Variants in SDK1 observed in about 807,000 individuals in gnomAD.
The protein encoded by SDK1 is sidekick cell adhesion molecule 1.
In SDK1, 157 loss-of-function variants were observed where a neutral mutation model predicts 245.5. That is an observed-to-expected ratio of 0.64 (90% confidence interval 0.56 to 0.73). The LOEUF is 0.73. SDK1 is among the 30% of genes least tolerant of loss of function. The pLI is 0.00. For missense variants in SDK1, 3,583 were observed against 3,002.3 expected, an observed-to-expected ratio of 1.19 and a Z score of -4.52; for synonymous variants, 1,647 against 1,278.5, an observed-to-expected ratio of 1.29 and a Z score of -6.15.
At chr7:3,794,864 G>C (rs1255270810) in intron 4 of SDK1, among the ~76,000 whole-genome samples, 3 of 151,812 alleles carry the variant, frequency 2.0e-5, no homozygotes, top group Non-Finnish European at 4.4e-5. Context: ...TAGATCCTCT[G>C]TCTGTTGCCC....
At chr7:3,774,654 A>G (rs1780498869) in intron 4 of SDK1, among the ~76,000 whole-genome samples, 2 of 152,204 alleles carry the variant, frequency 1.3e-5, no homozygotes, top group Non-Finnish European at 1.5e-5. Context: ...CCAGGTGAGA[A>G]TACAGACTCC....
At chr7:3,999,720 TA>T (rs1273349604) in intron 14 of SDK1, among the ~76,000 whole-genome samples, 2 of 152,210 alleles carry the variant, frequency 1.3e-5, no homozygotes, top group African/African-American at 4.8e-5. Flanking sequence ...GACTGCTTTA[TA>T]AAAAACCATT....
chr7:3,507,966 A>G (rs1016692972), intron 1 of SDK1, among the ~76,000 whole-genome samples: 2 of 152,252 alleles, frequency 1.3e-5, no homozygotes, highest in African/African-American at 4.8e-5. Flanking sequence ...GTGGCATTTG[A>G]CACTGCTGAC....
chr7:3,928,739 C>G (rs899366923), intron 5 of SDK1, among the ~76,000 whole-genome samples: 2 of 152,210 alleles, frequency 1.3e-5, no homozygotes, highest in African/African-American at 4.8e-5. Flanking sequence ...GGTTCAGTAC[C>G]TCACATGCAT....
intron 17 of SDK1, among the ~76,000 whole-genome samples, chr7:4,022,833 G>C (rs958135713): frequency 2.0e-5 from 3 of 149,562 alleles, no homozygotes; most frequent in Admixed American, 2.0e-4. Flanking sequence ...GAGTGCAGTG[G>C]CGCGATCTCG....
At chr7:3,922,283 G>A (rs1400232237) in intron 5 of SDK1, among the ~76,000 whole-genome samples, 3 of 152,154 alleles carry the variant, frequency 2.0e-5, no homozygotes, top group Non-Finnish European at 2.9e-5. Context: ...GGATTCAGTC[G>A]GGATGTGCTG....
chr7:3,502,080 T>G (rs115827091), intron 1 of SDK1, among the ~76,000 whole-genome samples: 3,510 of 152,148 alleles, frequency 0.023, 151 homozygotes, highest in African/African-American at 0.08. Flanking sequence ...AATATTAATA[T>G]TATTAGTGGG....
chr7:3,732,684 G>GA (rs1260574291), intron 4 of SDK1, among the ~76,000 whole-genome samples: 1 of 152,194 alleles, frequency 6.6e-6, no homozygotes, highest in African/African-American at 2.4e-5. Flanking sequence ...CTGAGGCGCT[G>GA]AAATGTCTAG....
intron 35 of SDK1, among the ~76,000 whole-genome samples, chr7:4,189,102 T>C (rs114404147): frequency 0.011 from 1,713 of 152,262 alleles, 26 homozygotes; most frequent in African/African-American, 0.039. Flanking sequence ...ACGTATTAAA[T>C]AGTAAAGGGA....
At chr7:3,378,042 G>A (rs1215983770) in intron 1 of SDK1, among the ~76,000 whole-genome samples, 1 of 152,170 alleles carries the variant, frequency 6.6e-6, no homozygotes, top group Non-Finnish European at 1.5e-5. Flanking sequence ...GCTTCCCAAA[G>A]TGCTGGGATT....
intron 1 of SDK1, among the ~76,000 whole-genome samples, chr7:3,577,054 C>T (rs546758434): frequency 6.6e-6 from 1 of 151,942 alleles, no homozygotes; most frequent in Admixed American, 6.6e-5. Flanking sequence ...TATGCCCAAT[C>T]CACCTTGCAA....
At chr7:3,910,949 A>G (rs1258182361) in intron 5 of SDK1, among the ~76,000 whole-genome samples, 1 of 152,060 alleles carries the variant, frequency 6.6e-6, no homozygotes, top group African/African-American at 2.4e-5. Flanking sequence ...TCTCTCCCCA[A>G]GCTCAGGCGT....
rs192161084 is a variant in SDK1, at chr7:3,584,760, G to A, written c.299-34320G>A. Among the ~76,000 whole-genome samples, 369 of 150,202 alleles carry A rather than the reference G, an allele frequency of 2.5e-3. 3 individuals carry two copies. Among genetic ancestry groups the A allele is most frequent in the South Asian group, 0.018 (85 of 4,728 alleles). On this transcript the variant is annotated intron_variant, in intron 1 of 44. Transcript: ENST00000404826. ...TTTTTTTTTGAGATGGAGTCTCGCT[G>A]TCCCCCAGGCTGGAGTGCAGTGGCG...
intron 1 of SDK1, among the ~76,000 whole-genome samples, chr7:3,533,342 A>G (rs185684019): frequency 1.5e-3 from 223 of 152,328 alleles, no homozygotes; most frequent in Middle Eastern, 3.4e-3. Flanking sequence ...ACTCGCTGAT[A>G]AAGATGAGAG....
chr7:3,914,836 A>T (rs1181523960), intron 5 of SDK1, among the ~76,000 whole-genome samples: 1 of 152,212 alleles, frequency 6.6e-6, no homozygotes, highest in Non-Finnish European at 1.5e-5. Flanking sequence ...GAGAATTTAA[A>T]TGAGACCTTC....
At chr7:3,940,420 G>GT (rs1206811363) in intron 5 of SDK1, among the ~76,000 whole-genome samples, 5 of 152,226 alleles carry the variant, frequency 3.3e-5, no homozygotes, top group Non-Finnish European at 7.3e-5. Flanking sequence ...AGCCTTGGTT[G>GT]TATGCCTGAA....
chr7:3,701,898 T>C (rs1784749608), intron 4 of SDK1, among the ~76,000 whole-genome samples: 1 of 134,318 alleles, frequency 7.4e-6, no homozygotes, highest in Non-Finnish European at 1.5e-5. Context: ...CAACAAATGC[T>C]GCTAGAGTGG....
At chr7:3,933,357 C>A (rs1024770242) in intron 5 of SDK1, among the ~76,000 whole-genome samples, 1 of 152,148 alleles carries the variant, frequency 6.6e-6, no homozygotes, top group Non-Finnish European at 1.5e-5. Context: ...AAGTAATCTT[C>A]CTGCCTCAGC....
intron 1 of SDK1, among the ~76,000 whole-genome samples, chr7:3,531,959 T>A (rs1015208873): frequency 6.6e-6 from 1 of 152,258 alleles, no homozygotes; most frequent in Non-Finnish European, 1.5e-5. Context: ...ATCTGGTCAT[T>A]TTCCAGAATA....
Sources: gnomAD v4.1 joint callset for allele counts (sites outside exome capture counted in the v4.1 genomes callset) on GRCh38, gnomAD v4.1.1 for gene constraint, MANE v1.5 for transcripts, NCBI Gene and HGNC (gene_info 2026-07-23, HGNC 2026-07-21) for gene names.